SRSF12: variants seen among roughly 807,000 people sequenced by gnomAD.
SRSF12 encodes the protein serine/arginine-rich splicing factor 12.
A neutral mutation model predicts 34.1 loss-of-function variants in SRSF12; 21 were observed. That is an observed-to-expected ratio of 0.62 (90% confidence interval 0.44 to 0.89). The LOEUF (loss-of-function observed/expected upper bound fraction) is 0.89. Ranked by LOEUF, SRSF12 falls within the 40% of genes least tolerant of loss-of-function variation. The probability of loss-of-function intolerance (pLI) is 0.00; values close to 1 mark genes in which losing one functional copy is unlikely to be tolerated. For synonymous variants in SRSF12, 111 were observed against 110.8 expected (o/e 1.00, Z -0.01); for missense variants, 278 against 327.8 (o/e 0.85, Z 1.17).
intron 4 of SRSF12, among the ~76,000 whole-genome samples, chr6:89,103,042 G>C (rs918877397): frequency 9.2e-5 from 14 of 152,150 alleles, no homozygotes; most frequent in African/African-American, 2.9e-4. Flanking sequence ...GGGATCACAG[G>C]TGTGAGCCAC....
At position 89,097,715 on chromosome 6, in the gene SRSF12, A is replaced by C. The variant is rs1768328267; in HGVS notation, c.*863T>G. 1 of 152,186 alleles carries C rather than the reference A, an allele frequency of 6.6e-6. No homozygotes were observed. The allele number at this position is 152,186 out of a possible 1,614,324, so 9.4% of individuals were successfully genotyped here. A position where few individuals can be genotyped will look rare whatever the true frequency, so the allele number is the denominator to read the frequency against. ...AAATAATAAGACTTGTTCCATATAAAGTTGAGCAAGAACTCTAAAAAGAAA... is the reference window on the plus strand; with the variant it reads ...AAATAATAAGACTTGTTCCATATAACGTTGAGCAAGAACTCTAAAAAGAAA... On this transcript the variant is annotated 3_prime_UTR_variant, in exon 5 of 5. Transcript: ENST00000452027.
chr6:89,112,924 T>C (rs965867669), intron 1 of SRSF12, among the ~76,000 whole-genome samples: 3 of 152,164 alleles, frequency 2.0e-5, no homozygotes, highest in Non-Finnish European at 2.9e-5. Context: ...TGTAGGTAAA[T>C]GTCTTAAAAT....
At chr6:89,099,038 C>A (rs971086411) in intron 4 of SRSF12, 91 bp from the exon 5 acceptor site, 1 of 1,408,030 alleles carries the variant, frequency 7.1e-7, no homozygotes, top group South Asian at 1.6e-5. Flanking sequence ...CTTTACATAA[C>A]ATTAGTTATA....
chr6:89,107,213 T>A lies in SRSF12; in HGVS notation c.111A>T (p.Val37=). Residue 37 remains valine, a synonymous_variant, in exon 2 of 5, where the codon GTA becomes GTT. Coordinates refer to ENST00000452027, the MANE Select transcript of SRSF12 (RefSeq NM_080743.5). ...AGAAGTCAAGTGGAATGTAAACGTC[T>A]ACTATAGGGCCATATCGACCAAACT... is the stretch of plus-strand genomic sequence containing the variant. ...RREFGRYGPI[V]DVYIPLDFYT... 6.2e-7 allele frequency: 1 copy of A among 1,614,028 alleles called. No individual in the cohort carries two copies. The highest frequency in any genetic ancestry group is 8.5e-7 in the Non-Finnish European group (1 of 1,179,996).
intron 2 of SRSF12, 186 bp downstream of exon 2, chr6:89,106,968 C>A: frequency 1.5e-6 from 1 of 647,512 alleles, no homozygotes; most frequent in East Asian, 3.2e-5. Context: ...TGGATTCTAG[C>A]TAACAGGTTG....
At chr6:89,116,438 AC>A (rs1769296421) in intron 1 of SRSF12, among the ~76,000 whole-genome samples, 1 of 152,238 alleles carries the variant, frequency 6.6e-6, no homozygotes, top group Non-Finnish European at 1.5e-5. Flanking sequence ...AGATATATTA[AC>A]CACAACATAT....
chr6:89,096,992 ATGAT>A lies in SRSF12; in HGVS notation c.*1582_*1585del, dbSNP rs1206659220. 5 of 152,232 alleles carry A rather than the reference ATGAT, an allele frequency of 3.3e-5. No individual in the cohort carries two copies. The highest frequency in any genetic ancestry group is 1.5e-5 in the Non-Finnish European group (1 of 68,026). 9.4% of individuals were successfully genotyped at this position (152,232 alleles called of 1,614,324 possible). On this transcript the variant is annotated 3_prime_UTR_variant, in exon 5 of 5. Transcript: ENST00000452027. ...TTGTAGTTTTGAAATAAATTTTGCT[ATGAT>A]TAGAGAAAATCTATTCAGAAAGTAC... is the stretch of plus-strand genomic sequence containing the variant.
rs148850773 is a variant in SRSF12 at position 89,110,702 on chromosome 6, C to G, written c.66-3444G>C. 3.1e-3 allele frequency among the ~76,000 whole-genome samples: 474 copies of G among 152,300 alleles called. 10 individuals are homozygous for G. The highest frequency in any genetic ancestry group is 8.8e-4 in the Non-Finnish European group (60 of 68,012). On this transcript the variant is annotated intron_variant, in intron 1 of 4. Coordinates refer to ENST00000452027, the MANE Select transcript of SRSF12 (RefSeq NM_080743.5). Reference sequence around the variant, plus strand: ...AGGTTCCCTGCCTCCAGACCCTATTCTCCTGCTTCAGTATCACTAGCAAAG... The same window carrying G: ...AGGTTCCCTGCCTCCAGACCCTATTGTCCTGCTTCAGTATCACTAGCAAAG...
chr6:89,099,417 T>TATATATGTGTGTATATATACAC (rs1562191830), intron 4 of SRSF12, among the ~76,000 whole-genome samples: 4 of 131,724 alleles, frequency 3.0e-5, no homozygotes, highest in African/African-American at 1.3e-4. Flanking sequence ...TATATATACA[T>TATATATGTGTGTATATATACAC]ATATATATGT....
At chr6:89,115,149 G>A (rs1769233979) in intron 1 of SRSF12, among the ~76,000 whole-genome samples, 1 of 151,966 alleles carries the variant, frequency 6.6e-6, no homozygotes, top group Non-Finnish European at 1.5e-5. Context: ...CCAGGCTGGA[G>A]TACAGTGATG....
intron 1 of SRSF12, 90 bp downstream of exon 1, chr6:89,117,733 G>A: frequency 4.6e-6 from 6 of 1,317,270 alleles, no homozygotes; most frequent in Non-Finnish European, 6.0e-6. Context: ...CAGCTCCCCC[G>A]AGCCTCCGCC....
intron 4 of SRSF12, among the ~76,000 whole-genome samples, chr6:89,099,478 ATATG>A (rs1768430398): frequency 7.0e-6 from 1 of 141,920 alleles, no homozygotes; most frequent in African/African-American, 2.9e-5. Flanking sequence ...GTGTATATAT[ATATG>A]TGTGTGTATA....
chr6:89,116,648 G>A (rs1175209226), intron 1 of SRSF12, among the ~76,000 whole-genome samples: 2 of 151,896 alleles, frequency 1.3e-5, no homozygotes, highest in Non-Finnish European at 2.9e-5. Context: ...GGTGGCACAC[G>A]CCTGTAATCC....
At position 89,096,641 on chromosome 6, in the gene SRSF12, T is replaced by C. The variant is rs1768294265; in HGVS notation, c.*1937A>G. The C allele has an allele frequency of 6.6e-6, 1 of 151,822 alleles. No homozygotes were observed. The highest frequency in any genetic ancestry group is 2.1e-4 in the South Asian group (1 of 4,822). The allele number at this position is 151,822 out of a possible 1,614,324, so 9.4% of individuals were successfully genotyped here. A position where few individuals can be genotyped will look rare whatever the true frequency, so the allele number is the denominator to read the frequency against. ...AGATACTATAATCAATCCCTAGTTA[T>C]TATTTTTCACAATGGTACCTAGTTA... On this transcript the variant is annotated 3_prime_UTR_variant, in exon 5 of 5. Transcript: ENST00000452027.
intron 4 of SRSF12, among the ~76,000 whole-genome samples, chr6:89,102,676 G>A (rs1768592031): frequency 6.6e-6 from 1 of 152,150 alleles, no homozygotes; most frequent in African/African-American, 2.4e-5. Flanking sequence ...GGAACATTTA[G>A]AGTTCTAACA....
intron 4 of SRSF12, among the ~76,000 whole-genome samples, chr6:89,103,479 C>T (rs938484720): frequency 6.6e-6 from 1 of 152,178 alleles, no homozygotes; most frequent in Non-Finnish European, 1.5e-5. Flanking sequence ...CAGGCCTGTG[C>T]CACCACACCC....
At position 89,105,167 on chromosome 6, in the gene SRSF12, C is replaced by T. The variant is rs1768728841; in HGVS notation, c.368G>A (p.Arg123Lys). Residue 123 changes from arginine (R) to lysine (K), a missense_variant, in exon 4 of 5, where the codon AGA (arginine) becomes AAA (lysine). Physicochemically the swap from Arg to Lys is conservative, Grantham distance 26 (BLOSUM62 2). Transcript: ENST00000452027. ...CCTATTTCTTCCCCATGAAGAACTT[C>T]TACTTCGAGTTCTTCTTTGGCTGGG... is the stretch of plus-strand genomic sequence containing the variant. ...RSPSQRRTRS[R>K]SSSWGRNRRR... 1 of 1,612,486 alleles carries T rather than the reference C, an allele frequency of 6.2e-7. No homozygotes were observed. The highest frequency in any genetic ancestry group is 1.3e-5 in the African/African-American group (1 of 74,882).
At chr6:89,107,386 T>C (rs995491410) in intron 1 of SRSF12, 128 bp from the exon 2 acceptor site, 11 of 680,892 alleles carry the variant, frequency 1.6e-5, no homozygotes, top group Non-Finnish European at 2.5e-5. Flanking sequence ...AAAATTGTTT[T>C]TTGTAAGAAT....
rs774295733 is a variant in SRSF12, at chr6:89,098,555, C to T, written c.*23G>A. The T allele has an allele frequency of 2.3e-5, 36 of 1,581,640 alleles. No individual in the cohort carries two copies. The highest frequency in any genetic ancestry group is 2.6e-5 in the Non-Finnish European group (30 of 1,162,672). ...GTTTAATAACTTATATTAAAGACGGCGTGGTGCTCTTTCTGTTGCTGTTCA... is the reference window on the plus strand; with the variant it reads ...GTTTAATAACTTATATTAAAGACGGTGTGGTGCTCTTTCTGTTGCTGTTCA... On this transcript the variant is annotated 3_prime_UTR_variant, in exon 5 of 5. Transcript: ENST00000452027.
Sources: gnomAD v4.1 joint callset for allele counts (sites outside exome capture counted in the v4.1 genomes callset) on GRCh38, gnomAD v4.1.1 for gene constraint, MANE v1.5 for transcripts, NCBI Gene and HGNC (gene_info 2026-07-23, HGNC 2026-07-21) for gene names.